Variants in TMEM163 observed in about 807,000 individuals in gnomAD.
The protein encoded by TMEM163 is transmembrane protein 163.
Under a neutral mutation model 29.3 loss-of-function variants are expected in TMEM163, and 17 were observed. The observed-to-expected ratio is 0.58, with a 90% CI of 0.40 to 0.87. The LOEUF (loss-of-function observed/expected upper bound fraction) is 0.87, where lower values mean the gene tolerates loss of function less well. Among genes scored for constraint, TMEM163 ranks in the 40% least tolerant of loss-of-function variants. TMEM163 has a pLI of 0.00. For synonymous variants in TMEM163, 157 were observed against 160.6 expected (o/e 0.98, Z 0.17); for missense variants, 303 against 381.5 (o/e 0.79, Z 1.71).
intron 2 of TMEM163, among the ~76,000 whole-genome samples, chr2:134,571,078 T>C (rs1681411121): frequency 6.6e-6 from 1 of 152,210 alleles, no homozygotes. Context: ...ACCCCACTCA[T>C]CTTGGCATCA....
rs1008110592 is a variant in TMEM163 at position 134,704,219 on chromosome 2, C to T, written c.322+8981G>A. ...ATGTTACTATCTCAGCTTGAGGGCC[C>T]CCAAGCTAAGTGCAGGGTATACATT... On this transcript the variant is annotated intron_variant, in intron 2 of 7. Transcript: ENST00000281924. Among the ~76,000 whole-genome samples, 8 of 152,110 alleles carry T rather than the reference C, an allele frequency of 5.3e-5. No individual in the cohort carries two copies. In the South Asian group the frequency reaches 8.3e-4, roughly 16 times the overall value.
In TMEM163 at chr2:134,666,470, C is replaced by T. The variant is rs546108603; in HGVS notation, c.322+46730G>A. ...CTGCCTCCACCTATGCCACCTGCTC[C>T]GCCTTGAAAGCGCTTCCGGCTCTCC... On this transcript the variant is annotated intron_variant, in intron 2 of 7. Transcript: ENST00000281924. 3.9e-5 allele frequency among the ~76,000 whole-genome samples: 6 copies of T among 152,344 alleles called. 1 individual carries two copies. The East Asian group carries it at 7.7e-4, about 20-fold the overall frequency.
At chr2:134,598,998 A>T (rs1574269411) in intron 2 of TMEM163, among the ~76,000 whole-genome samples, 1 of 139,446 alleles carries the variant, frequency 7.2e-6, no homozygotes. Context: ...GAAAGGACTC[A>T]CTGAAGCCAT....
intron 5 of TMEM163, among the ~76,000 whole-genome samples, chr2:134,482,149 C>G (rs890321747): frequency 6.6e-6 from 1 of 152,194 alleles, no homozygotes; most frequent in African/African-American, 2.4e-5. Context: ...CGCCACCACC[C>G]CCATTTTCCC....
At chr2:134,519,620 G>A (rs1680149045) in intron 4 of TMEM163, among the ~76,000 whole-genome samples, 1 of 152,052 alleles carries the variant, frequency 6.6e-6, no homozygotes, top group Admixed American at 6.6e-5. Flanking sequence ...GCTGAGGCAG[G>A]AGAATGGCCA....
chr2:134,656,323 G>A (rs1199310790), intron 2 of TMEM163, among the ~76,000 whole-genome samples: 2 of 151,618 alleles, frequency 1.3e-5, no homozygotes, highest in African/African-American at 4.9e-5. Context: ...AGGTGCGTCC[G>A]TCACCCCTTT....
intron 2 of TMEM163, among the ~76,000 whole-genome samples, chr2:134,684,988 C>G (rs752649166): frequency 1.3e-5 from 2 of 151,470 alleles, no homozygotes; most frequent in African/African-American, 4.9e-5. Context: ...TACACAAACA[C>G]GGCACTCCAA....
intron 2 of TMEM163, among the ~76,000 whole-genome samples, chr2:134,588,852 G>A (rs944038269): frequency 2.0e-5 from 3 of 152,132 alleles, no homozygotes; most frequent in East Asian, 1.9e-4. Flanking sequence ...CGTTGGGGGG[G>A]GAAGAGGCCA....
intron 2 of TMEM163, among the ~76,000 whole-genome samples, chr2:134,688,166 G>T (rs1024784124): frequency 2.0e-5 from 3 of 152,102 alleles, no homozygotes; most frequent in African/African-American, 7.2e-5. Flanking sequence ...AGACACTCCT[G>T]CCAGACTCAC....
intron 2 of TMEM163, among the ~76,000 whole-genome samples, chr2:134,634,330 C>G (rs996338136): frequency 6.6e-6 from 1 of 152,110 alleles, no homozygotes; most frequent in Non-Finnish European, 1.5e-5. Context: ...AGTTACAAAG[C>G]TGCTCTGTGC....
rs893511202 is a variant in TMEM163 at position 134,708,546 on chromosome 2, C to T, written c.322+4654G>A. On this transcript the variant is annotated intron_variant, in intron 2 of 7. Coordinates refer to ENST00000281924, the MANE Select transcript of TMEM163 (RefSeq NM_030923.5). ...TCTAGTTCTTAAATCTACAGCTGCA[C>T]CTAATTTTTTATATATTTTTTAATT... 1.5e-4 allele frequency among the ~76,000 whole-genome samples: 23 copies of T among 151,322 alleles called. No homozygotes were observed. The East Asian group carries it at 3.3e-3, about 22-fold the overall frequency.
intron 2 of TMEM163, among the ~76,000 whole-genome samples, chr2:134,674,467 C>A (rs1386884467): frequency 1.3e-5 from 2 of 150,378 alleles, no homozygotes; most frequent in Non-Finnish European, 3.0e-5. Flanking sequence ...CCTCAGCCTC[C>A]CAAGTAGCTG....
At chr2:134,655,169 T>C (rs2104851959) in intron 2 of TMEM163, among the ~76,000 whole-genome samples, 1 of 140,906 alleles carries the variant, frequency 7.1e-6, no homozygotes, top group South Asian at 2.3e-4. Context: ...ATTCTCACCA[T>C]CACTTTCAGG....
chr2:134,716,796 C>T (rs956392736), intron 1 of TMEM163, among the ~76,000 whole-genome samples: 1 of 152,180 alleles, frequency 6.6e-6, no homozygotes, highest in Non-Finnish European at 1.5e-5. Context: ...GTAACGTTCT[C>T]GTTTACTTAA....
intron 2 of TMEM163, among the ~76,000 whole-genome samples, chr2:134,573,240 T>C (rs1681474125): frequency 6.6e-6 from 1 of 152,214 alleles, no homozygotes; most frequent in Non-Finnish European, 1.5e-5. Flanking sequence ...TCATTGTGCA[T>C]CATCCAGCAA....
chr2:134,610,422 T>C (rs1162808494), intron 2 of TMEM163, among the ~76,000 whole-genome samples: 1 of 152,120 alleles, frequency 6.6e-6, no homozygotes, highest in Non-Finnish European at 1.5e-5. Context: ...CTTCTTAAAA[T>C]AGATTGCTGG....
intron 4 of TMEM163, among the ~76,000 whole-genome samples, chr2:134,537,775 CTG>C (rs1283887885): frequency 6.6e-6 from 1 of 152,204 alleles, no homozygotes; most frequent in Non-Finnish European, 1.5e-5. Context: ...ACAAGCCAGA[CTG>C]TGCAGAGTGG....
chr2:134,552,654 TC>T (rs1680956715), intron 2 of TMEM163, among the ~76,000 whole-genome samples: 2 of 147,578 alleles, frequency 1.4e-5, no homozygotes, highest in Non-Finnish European at 3.0e-5. Context: ...CATATTTTGA[TC>T]CTTTTTTTTT....
At chr2:134,580,058 A>G (rs996545037) in intron 2 of TMEM163, among the ~76,000 whole-genome samples, 1 of 152,224 alleles carries the variant, frequency 6.6e-6, no homozygotes, top group African/African-American at 2.4e-5. Flanking sequence ...TAAGAAAAAA[A>G]TCTCAATCCC....
Sources: gnomAD v4.1 joint callset for allele counts (sites outside exome capture counted in the v4.1 genomes callset) on GRCh38, gnomAD v4.1.1 for gene constraint, MANE v1.5 for transcripts, NCBI Gene and HGNC (gene_info 2026-07-23, HGNC 2026-07-21) for gene names.